The following ADGRV1 variants were observed in gnomAD, a reference collection of about 807,000 sequenced individuals.
ADGRV1 encodes the protein G-protein coupled receptor 98.
ADGRV1 carries 359 observed loss-of-function variants against 596.2 expected under a neutral mutation model. The observed-to-expected ratio is 0.60, with a 90% confidence interval of 0.55 to 0.66. The LOEUF (loss-of-function observed/expected upper bound fraction) is 0.66. Ranked by LOEUF, ADGRV1 falls within the 30% of genes least tolerant of loss-of-function variation. ADGRV1 has a pLI of 0.00. For missense variants in ADGRV1, 7,274 were observed against 7,575.6 expected (o/e 0.96, Z 1.48); for synonymous variants, 2,681 against 2,679.2 (o/e 1.00, Z -0.02).
At chr5:91,126,536 C>T (rs951649468) in intron 87 of ADGRV1, among the ~76,000 whole-genome samples, 2 of 152,146 alleles carry the variant, frequency 1.3e-5, no homozygotes, top group Admixed American at 6.5e-5. Flanking sequence ...AGGTCAGCCC[C>T]CCAGAGCAGT....
chr5:90,862,720 G>A (rs540995499), intron 82 of ADGRV1, among the ~76,000 whole-genome samples: 5 of 152,104 alleles, frequency 3.3e-5, no homozygotes, highest in Admixed American at 1.3e-4. Flanking sequence ...CTTGACTAAC[G>A]CAAAGCTTCC....
chr5:91,144,243 C>T (rs988441486), intron 87 of ADGRV1, among the ~76,000 whole-genome samples: 1 of 152,232 alleles, frequency 6.6e-6, no homozygotes, highest in Non-Finnish European at 1.5e-5. Flanking sequence ...GCAGTAGCCA[C>T]TCCAGATGGG....
chr5:91,163,738 C>A (rs1333406928), intron 89 of ADGRV1, 44 bp from the exon 90 acceptor site: 1 of 758,438 alleles, frequency 1.3e-6, no homozygotes, highest in Non-Finnish European at 2.2e-6. Flanking sequence ...GAATTCACTG[C>A]ACTAATAGTT....
rs1772188459 is a variant in ADGRV1 at position 90,905,056 on chromosome 5, G to A, written c.17856+41199G>A. Among the ~76,000 whole-genome samples the A allele has an allele frequency of 2.0e-5, 3 of 151,958 alleles. No homozygotes were observed. The South Asian group carries it at 6.2e-4, about 32-fold the overall frequency. On this transcript the variant is annotated intron_variant, in intron 83 of 89. Transcript: ENST00000405460. The stretch of plus-strand genomic sequence containing the variant: ...GAAAACAAGCTCACTGTAGGTGTGT[G>A]GATTTGTTTCTGGCCTCTCTATTCT...
rs1758576484 is a variant in ADGRV1, at chr5:90,779,104, G to A, written c.13082+7G>A. Reference sequence around the variant, plus strand: ...AGGTGGAACTCCAGGGAAGGTAAAGGAGAAAGGCAATTAGGAAAAAGAAAG... The same window carrying A: ...AGGTGGAACTCCAGGGAAGGTAAAGAAGAAAGGCAATTAGGAAAAAGAAAG... On this transcript the variant is annotated splice_region_variant and intron_variant, in intron 64 of 89. Transcript: ENST00000405460. 6.5e-7 allele frequency: 1 copy of A among 1,544,160 alleles called. No homozygotes were observed. Among genetic ancestry groups the A allele is most frequent in the East Asian group, 2.3e-5 (1 of 44,440 alleles).
At position 90,810,448 on chromosome 5, in the gene ADGRV1, T is replaced by C. The variant is rs2150226813; in HGVS notation, c.15188T>C (p.Leu5063Pro). The C allele has an allele frequency of 3.1e-6, 5 of 1,613,940 alleles. No individual in the cohort carries two copies. The highest frequency in any genetic ancestry group is 4.2e-6 in the Non-Finnish European group (5 of 1,179,802). The change falls in exon 74 of 90, where the codon CTG becomes CCG. Residue 5063 changes from leucine to proline, a missense_variant. Leu to Pro is a moderately conservative substitution (Grantham distance 98). Coordinates refer to ENST00000405460, the MANE Select transcript of ADGRV1 (RefSeq NM_032119.4). ...EDFEPVQNGE[L>P]FFQKFQTEVD... is the part of the protein sequence containing the mutation. ...TTTGAGCCTGTTCAGAATGGGGAAC[T>C]GTTTTTTCAAAAATTCCAAACTGAG...
At position 90,860,082 on chromosome 5, in the gene ADGRV1, C is replaced by A. The variant is rs117203796; in HGVS notation, c.17756-3675C>A. ...CTCCAGCCTGGGAGACTGAGCAAGA[C>A]CCTGTCTCTTAAAAAATAATAATAA... On this transcript the variant is annotated intron_variant, in intron 82 of 89. Transcript: ENST00000405460. Among the ~76,000 whole-genome samples, 1,729 of 151,874 alleles carry A rather than the reference C, an allele frequency of 0.011. 116 individuals are homozygous for A. In the East Asian group the frequency reaches 0.18, roughly 16 times the overall value.
At chr5:91,144,598 G>A (rs966199654) in intron 87 of ADGRV1, among the ~76,000 whole-genome samples, 10 of 152,160 alleles carry the variant, frequency 6.6e-5, no homozygotes, top group African/African-American at 2.4e-4. Flanking sequence ...GAGCCACCAC[G>A]CCCAATCTAA....
Position 90,685,889 on chromosome 5 carries a change from A to C in ADGRV1, c.6384A>C (p.Arg2128=). ...TTCAGCTCTCAGCACCAATTGTCCGAGTGGCAGAAAATCATGTTGGACCCA... is the reference window on the plus strand; with the variant it reads ...TTCAGCTCTCAGCACCAATTGTCCGCGTGGCAGAAAATCATGTTGGACCCA... The part of the protein sequence containing the change: ...GTLQLSAPIV[R]VAENHVGPII... The change falls in exon 29 of 90, where the codon CGA becomes CGC. Residue 2128 remains arginine (R), a synonymous_variant. Coordinates refer to ENST00000405460, the MANE Select transcript of ADGRV1 (RefSeq NM_032119.4). 1 of 1,612,566 alleles carries C rather than the reference A, an allele frequency of 6.2e-7. No homozygotes were observed.
In ADGRV1 at chr5:90,862,226, T is replaced by A. The variant is rs889517992; in HGVS notation, c.17756-1531T>A. ...AGTTGACTTGTGTATGTCTCCTTGC[T>A]GAGCACTAATTCCTTGCCTCACATT... On this transcript the variant is annotated intron_variant, in intron 82 of 89. Transcript: ENST00000405460. 2.0e-5 allele frequency among the ~76,000 whole-genome samples: 3 copies of A among 152,214 alleles called. No individual in the cohort carries two copies. The East Asian group carries it at 5.8e-4, about 29-fold the overall frequency.
chr5:90,596,376 C>G (rs553069034), intron 1 of ADGRV1, among the ~76,000 whole-genome samples: 81 of 151,836 alleles, frequency 5.3e-4, no homozygotes, highest in Admixed American at 1.6e-3. Context: ...CTCCTCACTT[C>G]CCAGACGGGG....
chr5:91,045,881 G>A (rs1785764050), intron 85 of ADGRV1, among the ~76,000 whole-genome samples: 3 of 152,008 alleles, frequency 2.0e-5, no homozygotes, highest in Admixed American at 1.3e-4. Context: ...CACCAACAGC[G>A]ACCAAGCTGA....
intron 86 of ADGRV1, among the ~76,000 whole-genome samples, chr5:91,075,533 AG>A (rs1368288163): frequency 1.3e-5 from 2 of 152,208 alleles, no homozygotes. Context: ...TATCTTAATG[AG>A]GGAACCCTCT....
chr5:90,635,216 G>T lies in ADGRV1; in HGVS notation c.1942G>T (p.Ala648Ser). ...NISLLVTPAI[A>S]NGEIGFLSNL... ...TTCTTTACTGGTTACTCCAGCCATT[G>T]CAAATGGAGAAATTGGCTTTCTCAG... is the stretch of plus-strand genomic sequence containing the variant. Residue 648 changes from alanine to serine, a missense_variant, in exon 10 of 90, where the codon GCA becomes TCA. Around this residue, in one of 5 missense-constraint regions of ADGRV1, gnomAD observed 1,715 missense variants for 1,708.8 expected, o/e 1.00. Transcript: ENST00000405460. 3 of 1,613,278 alleles carry T rather than the reference G, an allele frequency of 1.9e-6. No individual in the cohort carries two copies. The highest frequency in any genetic ancestry group is 2.5e-6 in the Non-Finnish European group (3 of 1,179,588).
intron 85 of ADGRV1, among the ~76,000 whole-genome samples, chr5:91,043,342 T>C (rs1485709890): frequency 6.6e-6 from 1 of 152,174 alleles, no homozygotes; most frequent in African/African-American, 2.4e-5. Context: ...AACCCTACTT[T>C]TAAAAAACCT....
At chr5:91,118,995 A>G (rs773675970) in intron 87 of ADGRV1, among the ~76,000 whole-genome samples, 8 of 151,916 alleles carry the variant, frequency 5.3e-5, no homozygotes, top group Non-Finnish European at 1.2e-4. Flanking sequence ...TTTTTCATCT[A>G]TCTTGATCAT....
In ADGRV1 at chr5:90,750,677, A is replaced by G; in HGVS notation, c.11101A>G (p.Ile3701Val). The G allele has an allele frequency of 1.2e-6, 2 of 1,612,364 alleles. No individual in the cohort carries two copies. The highest frequency in any genetic ancestry group is 1.7e-6 in the Non-Finnish European group (2 of 1,178,568). ...AWEADGSISD[I>V]FPTSGVILFT... is the part of the protein sequence containing the mutation. Reference sequence around the variant, plus strand: ...GGAAGCTGATGGAAGTATTAGTGATATATTTCCTACCTCAGGAGTGGTATG... The same window carrying G: ...GGAAGCTGATGGAAGTATTAGTGATGTATTTCCTACCTCAGGAGTGGTATG... Residue 3701 changes from isoleucine to valine, a missense_variant, in exon 53 of 90, where the codon ATA becomes GTA. By Grantham distance (29) the Ile-to-Val change is conservative (BLOSUM62 3). Around this residue, in one of 5 missense-constraint regions of ADGRV1, gnomAD observed 3,643 missense variants for 3,809.2 expected, o/e 0.96. Coordinates refer to ENST00000405460, the MANE Select transcript of ADGRV1 (RefSeq NM_032119.4).
chr5:90,839,001 T>G (rs1037230858), intron 77 of ADGRV1, among the ~76,000 whole-genome samples: 1 of 152,232 alleles, frequency 6.6e-6, no homozygotes. Context: ...TCTACCACTG[T>G]TTCTTGCATG....
chr5:90,778,652 T>G lies in ADGRV1; in HGVS notation c.12849+43T>G, dbSNP rs763731557. ...TAAGATTTTAATATCATTTTTATTT[T>G]TAGATATGAAAATGTTTTCTTGTTT... On this transcript the variant is annotated intron_variant, in intron 63 of 89. Transcript: ENST00000405460. 8.5e-6 allele frequency: 12 copies of G among 1,419,936 alleles called. No homozygotes were observed. In the African/African-American group the frequency reaches 1.7e-4, roughly 21 times the overall value. 88.0% of individuals were successfully genotyped at this position (1,419,936 alleles called of 1,614,324 possible).
Sources: allele counts gnomAD v4.1 joint callset (sites outside exome capture counted in the v4.1 genomes callset), GRCh38; gene constraint gnomAD v4.1.1; regional missense constraint gnomAD v4.1.1; transcripts MANE v1.5; gene names NCBI Gene and HGNC (gene_info 2026-07-23, HGNC 2026-07-21).